MTOR: variants seen among roughly 807,000 people sequenced by gnomAD.
The protein encoded by MTOR is serine/threonine-protein kinase mTOR.
In MTOR, 70 loss-of-function variants were observed where a neutral mutation model predicts 319.8. That is an observed-to-expected ratio of 0.22 (90% CI 0.18 to 0.27). The LOEUF (loss-of-function observed/expected upper bound fraction) is 0.27. MTOR is among the 10% of genes least tolerant of loss of function. The probability of loss-of-function intolerance (pLI) is 1.00; values close to 1 mark genes in which losing one functional copy is unlikely to be tolerated. For synonymous variants in MTOR, 1,183 were observed against 1,211.4 expected, an observed-to-expected ratio of 0.98 and a Z score of 0.49; for missense variants, 1,890 against 3,274.4, an observed-to-expected ratio of 0.58 and a Z score of 10.32.
intron 29 of MTOR, among the ~76,000 whole-genome samples, chr1:11,166,548 C>T (rs1467312252): frequency 6.6e-6 from 1 of 152,168 alleles, no homozygotes; most frequent in Non-Finnish European, 1.5e-5. Context: ...AATGAGATAC[C>T]ATCTCACACC....
At position 11,238,460 on chromosome 1, in the gene MTOR, T is replaced by A. The variant is rs1273800905; in HGVS notation, c.1944A>T (p.Ala648=). Residue 648 remains alanine, a synonymous_variant, in exon 12 of 58, where the codon GCA becomes GCT. Coordinates refer to ENST00000361445, the MANE Select transcript of MTOR (RefSeq NM_004958.4). ...SGHAHVVSQT[A]VQVVADVLSK... ...TAAGCACATCTGCCACCACTTGCAC[T>A]GCGGTCTGGCTAACCACATGAGCAT... The A allele has an allele frequency of 6.2e-7, 1 of 1,614,228 alleles. No individual in the cohort carries two copies. The highest frequency in any genetic ancestry group is 8.5e-7 in the Non-Finnish European group (1 of 1,180,034).
At chr1:11,158,548 G>A (rs1490059229) in intron 29 of MTOR, among the ~76,000 whole-genome samples, 2 of 152,030 alleles carry the variant, frequency 1.3e-5, no homozygotes, top group Admixed American at 1.3e-4. Flanking sequence ...CAAAATGAGC[G>A]TATCTGGCTC....
chr1:11,162,927 C>T (rs1644523509), intron 29 of MTOR, among the ~76,000 whole-genome samples: 1 of 152,164 alleles, frequency 6.6e-6, no homozygotes, highest in South Asian at 2.1e-4. Context: ...CAAATTCACA[C>T]ATAACAATAT....
chr1:11,204,753 T>A, intron 25 of MTOR, 50 bp from the exon 26 acceptor site: 1 of 1,572,382 alleles, frequency 6.4e-7, no homozygotes, highest in African/African-American at 1.4e-5. Flanking sequence ...AAGGGCCAAT[T>A]GAAAAAAGTC....
At chr1:11,260,802 T>C (rs1651013325) in intron 1 of MTOR, among the ~76,000 whole-genome samples, 1 of 151,234 alleles carries the variant, frequency 6.6e-6, no homozygotes, top group African/African-American at 2.4e-5. Flanking sequence ...TTTTTTTTTT[T>C]TTTTTGAGAC....
At chr1:11,242,500 C>CAAAAAAAAAAAA (rs70977555) in intron 9 of MTOR, among the ~76,000 whole-genome samples, 10 of 52,628 alleles carry the variant, frequency 1.9e-4, no homozygotes, top group Admixed American at 5.8e-4. Flanking sequence ...GACTCCATCT[C>CAAAAAAAAAAAA]AAAAAAAAAA....
intron 28 of MTOR, among the ~76,000 whole-genome samples, chr1:11,184,719 T>C (rs1285449471): frequency 6.6e-6 from 1 of 151,974 alleles, no homozygotes; most frequent in Non-Finnish European, 1.5e-5. Flanking sequence ...GGTAACAGAA[T>C]GAGACTATGT....
At chr1:11,130,988 T>C (rs1643121145) in intron 38 of MTOR, 1 of 633,778 alleles carries the variant, frequency 1.6e-6, no homozygotes, top group Non-Finnish European at 2.7e-6. Flanking sequence ...TAACGTACTA[T>C]GAGTGCACTG....
rs1288973496 is a variant in MTOR at position 11,204,585 on chromosome 1, G to C, written c.3920C>G (p.Ala1307Gly). The C allele has an allele frequency of 6.2e-7, 1 of 1,614,172 alleles. No homozygotes were observed. The highest frequency in any genetic ancestry group is 8.5e-7 in the Non-Finnish European group (1 of 1,179,998). ...CCTGGCCATCGGGTTGTAGGCCTGT[G>C]CCAGGGCCCAGCAGGAGCGCAGGGA... ...SPSLRSCWALAQAYNPMARDL... is the reference protein window; with the variant it reads ...SPSLRSCWALGQAYNPMARDL... The change falls in exon 26 of 58, where the codon GCA (alanine) becomes GGA (glycine). Residue 1307 changes from alanine (A) to glycine (G), a missense_variant. This residue lies in a region of MTOR where 49 missense variants were observed against 119.1 expected (regional missense o/e 0.41). Coordinates refer to ENST00000361445, the MANE Select transcript of MTOR (RefSeq NM_004958.4).
chr1:11,261,152 C>T (rs1046222236), intron 1 of MTOR, among the ~76,000 whole-genome samples: 6 of 151,868 alleles, frequency 4.0e-5, no homozygotes, highest in Non-Finnish European at 8.8e-5. Context: ...TTGTACTGAA[C>T]AACGCAGTTC....
chr1:11,155,347 G>C (rs1199778685), intron 30 of MTOR, among the ~76,000 whole-genome samples: 1 of 152,082 alleles, frequency 6.6e-6, no homozygotes, highest in African/African-American at 2.4e-5. Context: ...CCTGTGATGG[G>C]GGTCAGGATA....
At position 11,127,105 on chromosome 1, in the gene MTOR, T is replaced by C. The variant is rs1642875497; in HGVS notation, c.6256A>G (p.Arg2086Gly). Residue 2086 changes from arginine (R) to glycine (G), a missense_variant, in exon 45 of 58, where the codon AGG (arginine) becomes GGG (glycine). Arg to Gly is a moderately radical substitution (Grantham distance 125, BLOSUM62 -2). Around this residue, in one of 15 missense-constraint regions of MTOR, gnomAD observed 249 missense variants for 596.2 expected, o/e 0.42. Transcript: ENST00000361445. This position sits in a 1 kb window ranked among gnomAD's most constrained non-coding sequence, Gnocchi z 5.5. ...RDLMEAQEWC[R>G]KYMKSGNVKD... is the part of the protein sequence containing the mutation. ...ACATTCCCTGATTTCATGTACTTCC[T>C]GCACCACTCTTGGGCCTCCATTAAA... 6.2e-7 allele frequency: 1 copy of C among 1,614,218 alleles called. No homozygotes were observed. Among genetic ancestry groups the C allele is most frequent in the Non-Finnish European group, 8.5e-7 (1 of 1,180,040 alleles).
chr1:11,194,903 C>T (rs770552764), intron 28 of MTOR: 1 of 1,614,190 alleles, frequency 6.2e-7, no homozygotes, highest in Admixed American at 1.7e-5. Flanking sequence ...ATGGAGTGTA[C>T]TACCGCCTGG....
intron 28 of MTOR, among the ~76,000 whole-genome samples, chr1:11,197,909 A>G (rs1238277424): frequency 6.6e-6 from 1 of 152,236 alleles, no homozygotes; most frequent in Admixed American, 6.5e-5. Context: ...ACTTTCAATT[A>G]TATTTGCTTA....
chr1:11,148,504 A>G (rs1644016688), intron 31 of MTOR, among the ~76,000 whole-genome samples: 1 of 152,206 alleles, frequency 6.6e-6, no homozygotes, highest in Non-Finnish European at 1.5e-5. Flanking sequence ...TGGTTTAAGA[A>G]AAAATTTATT....
intron 24 of MTOR, among the ~76,000 whole-genome samples, chr1:11,210,181 G>A (rs1179271108): frequency 2.0e-5 from 3 of 152,110 alleles, no homozygotes; most frequent in African/African-American, 4.8e-5. Context: ...AATCTACTTT[G>A]AGATAGGGTC....
rs201338462 is a variant in MTOR, at chr1:11,192,298, C to T, written c.4253+6960G>A. The T allele has an allele frequency of 2.0e-5, 33 of 1,614,008 alleles. No homozygotes were observed. The East Asian group carries it at 7.4e-4, about 36-fold the overall frequency. On this transcript the variant is annotated intron_variant, in intron 28 of 57. Coordinates refer to ENST00000361445, the MANE Select transcript of MTOR (RefSeq NM_004958.4). Reference sequence around the variant, plus strand: ...CCATCTACGACTGCTCTTCCCTCTACCAGAAGAACTACCGCATCTCTGGAG... The same window carrying T: ...CCATCTACGACTGCTCTTCCCTCTATCAGAAGAACTACCGCATCTCTGGAG...
chr1:11,115,358 C>CT lies in MTOR; in HGVS notation c.7089+37_7089+38insA. 1 of 1,600,926 alleles carries CT rather than the reference C, an allele frequency of 6.2e-7. No individual in the cohort carries two copies. The highest frequency in any genetic ancestry group is 1.1e-5 in the South Asian group (1 of 90,768). ...CAGAGGAGGGGGAAAAGTGATCACCCGGGAAGATGAGGTTGGGGTTCTAGA... is the reference window on the plus strand; with the variant it reads ...CAGAGGAGGGGGAAAAGTGATCACCCTGGGAAGATGAGGTTGGGGTTCTAGA... On this transcript the variant is annotated intron_variant, in intron 51 of 57. Coordinates refer to ENST00000361445, the MANE Select transcript of MTOR (RefSeq NM_004958.4). The surrounding 1 kb of genome is among the most constrained non-coding windows in gnomAD (Gnocchi z 4.5).
intron 1 of MTOR, 130 bp from the exon 2 acceptor site, chr1:11,259,553 G>T (rs1392930965): frequency 4.5e-5 from 44 of 978,612 alleles, no homozygotes; most frequent in Non-Finnish European, 5.0e-5. Flanking sequence ...AAGGTTGAGA[G>T]ATCTGATTGA....
Sources: gnomAD v4.1 joint callset for allele counts (sites outside exome capture counted in the v4.1 genomes callset) on GRCh38, gnomAD v4.1.1 for gene constraint, gnomAD v4.1.1 regional missense constraint, Gnocchi (gnomAD v3.1) non-coding constraint, MANE v1.5 for transcripts, NCBI Gene and HGNC (gene_info 2026-07-23, HGNC 2026-07-21) for gene names.